SELENOO: variants seen among roughly 807,000 people sequenced by gnomAD.
SELENOO encodes protein adenylyltransferase SelO, mitochondrial.
In SELENOO, 74 loss-of-function variants were observed where a neutral mutation model predicts 58.7. The observed-to-expected ratio is 1.26, with a 90% CI of 1.04 to 1.53. The LOEUF (loss-of-function observed/expected upper bound fraction) is 1.53, where lower values mean the gene tolerates loss of function less well. Ranked by LOEUF, SELENOO falls within the 40% of genes most tolerant of loss-of-function variation. SELENOO has a pLI of 0.00. For synonymous variants in SELENOO, 543 were observed against 453.2 expected (o/e 1.20, Z -2.52); for missense variants, 1,149 against 970.0 (o/e 1.18, Z -2.45).
rs116038918 is a variant in SELENOO at position 50,210,252 on chromosome 22, C to T, written c.1011C>T (p.Thr337=). 6.0e-3 allele frequency: 9,736 copies of T among 1,613,432 alleles called. 536 individuals are homozygous for T. The African/African-American group carries it at 0.11, about 19-fold the overall frequency. The part of the protein sequence containing the change: ...CVGFCHGVLN[T]DNMSILGLTI... ...GCTTCTGCCACGGCGTGCTCAACACCGACAACATGAGCATCCTGGGGCTCA... is the reference window on the plus strand; with the variant it reads ...GCTTCTGCCACGGCGTGCTCAACACTGACAACATGAGCATCCTGGGGCTCA... Residue 337 remains threonine, a synonymous_variant, in exon 4 of 9, where the codon ACC becomes ACT. Coordinates refer to ENST00000380903, the MANE Select transcript of SELENOO (RefSeq NM_031454.2).
rs758695973 is a variant in SELENOO, at chr22:50,217,415, T to C, written c.*46T>C. ...CCCCTGGAGTCTCCCGAGGCCCCCA[T>C]GTGCTGCTGAGTGGCCAAGATGATG... is the stretch of plus-strand genomic sequence containing the variant. On this transcript the variant is annotated 3_prime_UTR_variant, in exon 9 of 9. Transcript: ENST00000380903. 5 of 1,597,722 alleles carry C rather than the reference T, an allele frequency of 3.1e-6. No individual in the cohort carries two copies. Among genetic ancestry groups the C allele is most frequent in the South Asian group, 1.1e-5 (1 of 89,266 alleles).
At chr22:50,213,280 C>T (rs2064384396) in intron 5 of SELENOO, among the ~76,000 whole-genome samples, 3 of 152,138 alleles carry the variant, frequency 2.0e-5, no homozygotes, top group Non-Finnish European at 4.4e-5. Flanking sequence ...AGGCTGGTCT[C>T]CAACACCTGA....
intron 1 of SELENOO, among the ~76,000 whole-genome samples, chr22:50,203,914 T>C (rs1241273658): frequency 6.6e-6 from 1 of 151,950 alleles, no homozygotes; most frequent in African/African-American, 2.4e-5. Flanking sequence ...GCCCACAGAA[T>C]GGGAGGAAAC....
rs530521989 is a variant in SELENOO at position 50,210,583 on chromosome 22, G to C, written c.1071-48G>C. 1.9e-6 allele frequency: 3 copies of C among 1,611,092 alleles called. No homozygotes were observed. In the African/African-American group the frequency reaches 4.0e-5, roughly 22 times the overall value. ...CTCCAGGGTGGCTGCACCATCTCCCGGGAACTTCCTCTCAGGCAGGGCGTG... is the reference window on the plus strand; with the variant it reads ...CTCCAGGGTGGCTGCACCATCTCCCCGGAACTTCCTCTCAGGCAGGGCGTG... On this transcript the variant is annotated intron_variant, in intron 4 of 8. Transcript: ENST00000380903.
chr22:50,208,368 T>C (rs2064345951), intron 2 of SELENOO, 168 bp from the exon 3 acceptor site: 3 of 553,926 alleles, frequency 5.4e-6, no homozygotes, highest in Non-Finnish European at 9.3e-6. Flanking sequence ...AGTTGGAGGT[T>C]GTGGTGAGGC....
intron 5 of SELENOO, among the ~76,000 whole-genome samples, chr22:50,215,105 T>G (rs1259920995): frequency 6.6e-6 from 1 of 152,166 alleles, no homozygotes; most frequent in Non-Finnish European, 1.5e-5. Context: ...AAGACAGTCT[T>G]AGGGTCACTG....
Position 50,201,055 on chromosome 22 carries a change from G to C in SELENOO, c.19G>C (p.Ala7Pro), listed in dbSNP as rs1271292715. MAVYRA[A>P]LGASLAAARL... ...GCCGCGGATGGCCGTATACAGGGCA[G>C]CGCTCGGGGCTTCGCTCGCGGCTGC... The change falls in exon 1 of 9, where the codon GCG (alanine) becomes CCG (proline). Residue 7 changes from alanine to proline, a missense_variant. Physicochemically the swap from Ala to Pro is conservative, Grantham distance 27 (BLOSUM62 -1). Coordinates refer to ENST00000380903, the MANE Select transcript of SELENOO (RefSeq NM_031454.2). 6 of 1,348,726 alleles carry C rather than the reference G, an allele frequency of 4.4e-6. No homozygotes were observed. The highest frequency in any genetic ancestry group is 4.8e-6 in the Non-Finnish European group (5 of 1,051,536). The allele number at this position is 1,348,726 out of a possible 1,614,324, so 83.5% of individuals were successfully genotyped here.
chr22:50,217,081 A>G lies in SELENOO; in HGVS notation c.1798A>G (p.Ile600Val). 2.5e-6 allele frequency: 4 copies of G among 1,612,970 alleles called. No individual in the cohort carries two copies. Among genetic ancestry groups the G allele is most frequent in the African/African-American group, 1.3e-5 (1 of 75,044 alleles). The change falls in exon 8 of 9, where the codon ATC (isoleucine) becomes GTC (valine). Residue 600 changes from isoleucine to valine, a missense_variant. Physicochemically the swap from Ile to Val is conservative, Grantham distance 29 (BLOSUM62 3). Transcript: ENST00000380903. Reference protein sequence around the residue: ...NNPKYVLRNYIAQNAIEAAER... With the variant: ...NNPKYVLRNYVAQNAIEAAER... ...CCCGAAGTACGTGCTGAGGAACTAC[A>G]TCGCGCAGAATGCCATCGAGGCTGC...
At chr22:50,204,069 A>C (rs949672094) in intron 1 of SELENOO, among the ~76,000 whole-genome samples, 9 of 152,378 alleles carry the variant, frequency 5.9e-5, no homozygotes, top group East Asian at 3.9e-4. Flanking sequence ...AAGCACGTGA[A>C]GAGTTTATAA....
chr22:50,210,127 G>C (rs1254187322), intron 3 of SELENOO, 54 bp from the exon 4 acceptor site: 2 of 1,583,302 alleles, frequency 1.3e-6, no homozygotes, highest in African/African-American at 2.7e-5. Flanking sequence ...GGACACGAGT[G>C]GGGAGGTCTG....
At chr22:50,215,635 TGGGGGGG>T (rs10605825) in intron 5 of SELENOO, 75 bp from the exon 6 acceptor site, 12 of 892,008 alleles carry the variant, frequency 1.3e-5, no homozygotes, top group Non-Finnish European at 1.7e-5. Context: ...GCCAGGGGGG[TGGGGGGG>T]GGGGGGTCTG....
At chr22:50,208,378 C>T (rs1032241451) in intron 2 of SELENOO, 158 bp from the exon 3 acceptor site, 34 of 601,080 alleles carry the variant, frequency 5.7e-5, no homozygotes, top group Non-Finnish European at 8.1e-5. Flanking sequence ...TGTGGTGAGG[C>T]GAGATCGCGC....
chr22:50,208,705 T>G lies in SELENOO; in HGVS notation c.928T>G (p.Phe310Val), dbSNP rs1275387529. 6.2e-7 allele frequency: 1 copy of G among 1,612,338 alleles called. No individual in the cohort carries two copies. The highest frequency in any genetic ancestry group is 1.1e-5 in the South Asian group (1 of 91,056). Residue 310 changes from phenylalanine (F) to valine (V), a missense_variant, in exon 3 of 9, where the codon TTC becomes GTC. Transcript: ENST00000380903. The part of the protein sequence containing the change: ...ASDSVQRNAA[F>V]FREVTRRTAR... ...CGACAGCGTGCAGAGAAATGCTGCC[T>G]TCTTCCGGGAGGTCAGTGGGCCGCA... is the stretch of plus-strand genomic sequence containing the variant.
At chr22:50,216,156 G>A (rs1217750425) in intron 6 of SELENOO, among the ~76,000 whole-genome samples, 1 of 152,228 alleles carries the variant, frequency 6.6e-6, no homozygotes, top group African/African-American at 2.4e-5. Context: ...TGGGCTCCCA[G>A]AGGTCAAGCT....
At position 50,202,565 on chromosome 22, in the gene SELENOO, A is replaced by AT. The variant is rs760957543; in HGVS notation, c.554+987dup. ...CCTGGGGCCTGCTTGTCCTGTGAGC[A>AT]TTTTTTTTTTTTAATTTTTGTTTTT... On this transcript the variant is annotated intron_variant, in intron 1 of 8. Coordinates refer to ENST00000380903, the MANE Select transcript of SELENOO (RefSeq NM_031454.2). Among the ~76,000 whole-genome samples the AT allele has an allele frequency of 4.8e-3, 686 of 142,518 alleles. 4 individuals carry two copies. The highest frequency in any genetic ancestry group is 0.015 in the African/African-American group (583 of 38,700). 93.5% of individuals were successfully genotyped at this position (142,518 alleles called of 152,430 possible). A position where few individuals can be genotyped will look rare whatever the true frequency, so the allele number is the denominator to read the frequency against.
Position 50,201,398 on chromosome 22 carries a change from C to T in SELENOO, c.362C>T (p.Ala121Val), listed in dbSNP as rs781307151. Residue 121 changes from alanine to valine, a missense_variant, in exon 1 of 9, where the codon GCG (alanine) becomes GTG (valine). By Grantham distance (64) the Ala-to-Val change is moderately conservative. Transcript: ENST00000380903. ...GCGCGCGAGGCCGAGGCCGAGGCCG[C>T]GCTGTTCTTCAGCGGCAACGCGCTC... ...PPAREAEAEA[A>V]LFFSGNALLP... 1.5e-6 allele frequency: 2 copies of T among 1,314,258 alleles called. No homozygotes were observed. Among genetic ancestry groups the T allele is most frequent in the South Asian group, 1.9e-5 (1 of 53,710 alleles). The allele number at this position is 1,314,258 out of a possible 1,614,324, so 81.4% of individuals were successfully genotyped here.
intron 5 of SELENOO, among the ~76,000 whole-genome samples, chr22:50,214,103 G>T (rs754583968): frequency 2.4e-4 from 36 of 151,884 alleles, no homozygotes; most frequent in Non-Finnish European, 4.1e-4. Flanking sequence ...TTTTATTGAT[G>T]AATTGACTCT....
chr22:50,215,129 T>G (rs2064396541), intron 5 of SELENOO, among the ~76,000 whole-genome samples: 1 of 152,176 alleles, frequency 6.6e-6, no homozygotes, highest in Admixed American at 6.5e-5. Context: ...TTTCAGACAG[T>G]GTTTTCCAGA....
At chr22:50,215,947 T>A (rs180991849) in intron 6 of SELENOO, 80 bp downstream of exon 6, 589 of 1,337,032 alleles carry the variant, frequency 4.4e-4, no homozygotes, top group Non-Finnish European at 5.3e-4. Flanking sequence ...GGGGAGAAGC[T>A]AGAGACAGAG....
Sources: allele counts gnomAD v4.1 joint callset (sites outside exome capture counted in the v4.1 genomes callset), GRCh38; gene constraint gnomAD v4.1.1; transcripts MANE v1.5; gene names NCBI Gene and HGNC (gene_info 2026-07-23, HGNC 2026-07-21).